SUPT16H: variants seen among roughly 807,000 people sequenced by gnomAD.
SUPT16H encodes the protein SPT16 homolog, facilitates chromatin remodeling subunit, also known as FACT complex subunit SPT16.
In SUPT16H, 24 loss-of-function variants were observed where a neutral mutation model predicts 136.2. The ratio of observed to expected loss-of-function variants is 0.18; its 90% CI spans 0.13 to 0.25. The LOEUF (loss-of-function observed/expected upper bound fraction) is 0.25. Among genes scored for constraint, SUPT16H ranks in the 10% least tolerant of loss-of-function variants. The pLI, the probability that SUPT16H is intolerant of heterozygous loss-of-function variation, is 1.00. For missense variants in SUPT16H, 623 were observed against 1,270.2 expected, an observed-to-expected ratio of 0.49 and a Z score of 7.74; for synonymous variants, 415 against 428.2, an observed-to-expected ratio of 0.97 and a Z score of 0.38.
chr14:21,362,959 T>TA lies in SUPT16H; in HGVS notation c.1512-13dup, dbSNP rs775198001. 2.2e-5 allele frequency: 35 copies of TA among 1,612,950 alleles called. No individual in the cohort carries two copies. The highest frequency in any genetic ancestry group is 2.7e-5 in the Non-Finnish European group (32 of 1,179,618). Reference sequence around the variant, plus strand: ...TAGACTTGCGAGCTCTGGAGTGGGATAAAAAAACAACTGAGAAATTTCTGC... The same window carrying TA: ...TAGACTTGCGAGCTCTGGAGTGGGATAAAAAAAACAACTGAGAAATTTCTGC... On this transcript the variant is annotated splice_polypyrimidine_tract_variant and intron_variant, in intron 13 of 25. Coordinates refer to ENST00000216297, the MANE Select transcript of SUPT16H (RefSeq NM_007192.4).
At chr14:21,363,190 A>G (rs1886593392) in intron 12 of SUPT16H, 41 bp from the exon 13 acceptor site, 2 of 1,613,942 alleles carry the variant, frequency 1.2e-6, no homozygotes, top group African/African-American at 1.3e-5. Context: ...CACGTGAGCC[A>G]TATGACAGCC....
At chr14:21,373,147 T>C (rs967087228) in intron 2 of SUPT16H, among the ~76,000 whole-genome samples, 191 bp downstream of exon 2, 2 of 152,178 alleles carry the variant, frequency 1.3e-5, no homozygotes, top group African/African-American at 4.8e-5. Flanking sequence ...GGTTTTGCCA[T>C]GTTGTCCAGG....
Position 21,362,763 on chromosome 14 carries a change from G to A in SUPT16H, c.1665+31C>T, listed in dbSNP as rs375479891. 21 of 1,568,790 alleles carry A rather than the reference G, an allele frequency of 1.3e-5. No homozygotes were observed. The African/African-American group carries it at 2.7e-4, about 20-fold the overall frequency. ...CAATTACTATTTTAAGCAACAGTTT[G>A]GATGAAACCTGATGCACTGAATGTC... On this transcript the variant is annotated intron_variant, in intron 14 of 25. Coordinates refer to ENST00000216297, the MANE Select transcript of SUPT16H (RefSeq NM_007192.4).
intron 1 of SUPT16H, chr14:21,383,592 G>A (rs1386015602): frequency 8.6e-6 from 6 of 700,432 alleles, no homozygotes; most frequent in Non-Finnish European, 2.6e-6. Context: ...TTCTAGGGCG[G>A]GAAGAGACTG....
Position 21,353,472 on chromosome 14 carries a change from A to G in SUPT16H, c.2998+16T>C. On this transcript the variant is annotated intron_variant, in intron 25 of 25. Transcript: ENST00000216297. ...TGCGTAGACAAATGAATAAAAAACA[A>G]CACATTTTTAAAAACCTTTTCGGGC... 6.2e-7 allele frequency: 1 copy of G among 1,610,774 alleles called. No homozygotes were observed. Among genetic ancestry groups the G allele is most frequent in the Non-Finnish European group, 8.5e-7 (1 of 1,178,846 alleles).
At position 21,358,296 on chromosome 14, in the gene SUPT16H, C is replaced by A. The variant is rs954907626; in HGVS notation, c.2414+19G>T. The A allele has an allele frequency of 9.2e-6, 14 of 1,529,852 alleles. No individual in the cohort carries two copies. The highest frequency in any genetic ancestry group is 1.9e-5 in the Admixed American group (1 of 52,418). 94.8% of individuals were successfully genotyped at this position (1,529,852 alleles called of 1,614,324 possible). On this transcript the variant is annotated intron_variant, in intron 20 of 25. Coordinates refer to ENST00000216297, the MANE Select transcript of SUPT16H (RefSeq NM_007192.4). Reference sequence around the variant, plus strand: ...AAGACAGACCAGTCAAACTTCAAGCCAAAAATAAGATAGGTTACCCCAAGT... The same window carrying A: ...AAGACAGACCAGTCAAACTTCAAGCAAAAAATAAGATAGGTTACCCCAAGT...
intron 10 of SUPT16H, among the ~76,000 whole-genome samples, chr14:21,364,373 G>A (rs1463505894): frequency 2.6e-5 from 4 of 152,052 alleles, no homozygotes; most frequent in Non-Finnish European, 5.9e-5. Flanking sequence ...GGAAGGGAAG[G>A]GGGATGGGGA....
At chr14:21,365,792 A>AC (rs1886653075) in intron 8 of SUPT16H, among the ~76,000 whole-genome samples, 5 of 151,870 alleles carry the variant, frequency 3.3e-5, no homozygotes, top group African/African-American at 1.2e-4. Context: ...CAAAACCAAA[A>AC]CAAAAAAAAA....
chr14:21,358,456 C>A, intron 19 of SUPT16H, 29 bp from the exon 20 acceptor site: 1 of 1,507,132 alleles, frequency 6.6e-7, no homozygotes. Context: ...TCAAATACAG[C>A]CATCACATTT....
At chr14:21,359,796 C>G (rs1257406962) in intron 18 of SUPT16H, among the ~76,000 whole-genome samples, 187 bp from the exon 19 acceptor site, 1 of 152,128 alleles carries the variant, frequency 6.6e-6, no homozygotes, top group South Asian at 2.1e-4. Flanking sequence ...TGCTGTGCTC[C>G]TACTTATTAC....
chr14:21,355,609 T>G (rs2139395764), intron 22 of SUPT16H, among the ~76,000 whole-genome samples: 1 of 152,176 alleles, frequency 6.6e-6, no homozygotes, highest in Admixed American at 6.5e-5. Context: ...CTATGTGTTG[T>G]TTATTTGATG....
Position 21,370,328 on chromosome 14 carries a change from A to T in SUPT16H, c.483+8T>A. On this transcript the variant is annotated splice_region_variant and intron_variant, in intron 4 of 25. Transcript: ENST00000216297. ...CTCTTGATTTGCTATTTCCAGTAGT[A>T]TTCTTACTTTGTCAAAGCCTTCTTT... 1 of 1,610,718 alleles carries T rather than the reference A, an allele frequency of 6.2e-7. No homozygotes were observed. Among genetic ancestry groups the T allele is most frequent in the Non-Finnish European group, 8.5e-7 (1 of 1,179,642 alleles).
intron 22 of SUPT16H, 94 bp downstream of exon 22, chr14:21,357,103 T>C (rs1886451547): frequency 7.9e-7 from 1 of 1,270,106 alleles, no homozygotes; most frequent in Non-Finnish European, 1.0e-6. Flanking sequence ...TCACTTTAAG[T>C]ATATCAGTAG....
rs1314339223 is a variant in SUPT16H, at chr14:21,374,440, T to C, written c.67-1010A>G. Among the ~76,000 whole-genome samples, 3 of 152,374 alleles carry C rather than the reference T, an allele frequency of 2.0e-5. No individual in the cohort carries two copies. The East Asian group carries it at 5.8e-4, about 29-fold the overall frequency. ...GATTTTTAGCAGAATTATGCAACCA[T>C]CACAATTTTGGAACATTTTAATCTC... is the stretch of plus-strand genomic sequence containing the variant. On this transcript the variant is annotated intron_variant, in intron 1 of 25. Transcript: ENST00000216297.
chr14:21,358,136 C>CT, intron 20 of SUPT16H, 134 bp from the exon 21 acceptor site: 4 of 883,092 alleles, frequency 4.5e-6, no homozygotes, highest in Non-Finnish European at 7.0e-6. Flanking sequence ...GAGGAAGCCT[C>CT]TTAAGAGTTA....
At chr14:21,360,372 G>T in intron 18 of SUPT16H, 43 bp downstream of exon 18, 2 of 1,421,550 alleles carry the variant, frequency 1.4e-6, no homozygotes, top group Non-Finnish European at 2.0e-6. Context: ...GAAATGAAGT[G>T]TCTTGCCCAA....
intron 19 of SUPT16H, among the ~76,000 whole-genome samples, chr14:21,359,206 T>C (rs1886498672): frequency 6.6e-6 from 1 of 152,168 alleles, no homozygotes; most frequent in Admixed American, 6.5e-5. Context: ...CAAGTGATTA[T>C]CCTGCCTTAG....
At chr14:21,372,170 TG>T in intron 2 of SUPT16H, 126 bp from the exon 3 acceptor site, 2 of 1,115,112 alleles carry the variant, frequency 1.8e-6, no homozygotes, top group Non-Finnish European at 1.2e-6. Context: ...GTAATCAGGC[TG>T]GGGAGTCTGG....
At chr14:21,381,450 G>T (rs561363174) in intron 1 of SUPT16H, among the ~76,000 whole-genome samples, 10 of 152,046 alleles carry the variant, frequency 6.6e-5, no homozygotes, top group African/African-American at 2.4e-4. Flanking sequence ...TTGGACTGCT[G>T]GAACTACCAG....
Sources: allele counts gnomAD v4.1 joint callset (sites outside exome capture counted in the v4.1 genomes callset), GRCh38; gene constraint gnomAD v4.1.1; transcripts MANE v1.5; gene names NCBI Gene and HGNC (gene_info 2026-07-23, HGNC 2026-07-21).